Variants in CSMD3 observed in about 807,000 individuals in gnomAD.
CSMD3 encodes the protein CUB and sushi domain-containing protein 3.
In CSMD3, 177 loss-of-function variants were observed where a neutral mutation model predicts 435.2. The ratio of observed to expected loss-of-function variants is 0.41; its 90% CI spans 0.36 to 0.46. The LOEUF (loss-of-function observed/expected upper bound fraction) is 0.46, where lower values mean the gene tolerates loss of function less well. Ranked by LOEUF, CSMD3 falls within the 20% of genes least tolerant of loss-of-function variation. The pLI is 0.34. For missense variants in CSMD3, 4,265 were observed against 4,504.6 expected, an observed-to-expected ratio of 0.95 and a Z score of 1.52; for synonymous variants, 1,656 against 1,520.5, an observed-to-expected ratio of 1.09 and a Z score of -2.07.
intron 2 of CSMD3, among the ~76,000 whole-genome samples, chr8:113,279,106 A>T (rs2093593606): frequency 6.6e-6 from 1 of 151,548 alleles, no homozygotes; most frequent in Non-Finnish European, 1.5e-5. Flanking sequence ...ATTATATAAA[A>T]TGAGTACATT....
At chr8:112,689,141 C>T (rs966949904) in intron 14 of CSMD3, among the ~76,000 whole-genome samples, 2 of 152,092 alleles carry the variant, frequency 1.3e-5, no homozygotes, top group African/African-American at 4.8e-5. Context: ...GTGAAGGGGA[C>T]GTATGCACTT....
intron 10 of CSMD3, among the ~76,000 whole-genome samples, chr8:112,859,760 A>G (rs1055304551): frequency 6.6e-6 from 1 of 151,754 alleles, no homozygotes; most frequent in South Asian, 2.1e-4. Context: ...TAAAAAAAAA[A>G]GCAGTTACAT....
intron 35 of CSMD3, among the ~76,000 whole-genome samples, chr8:112,401,742 CA>C (rs1831360546): frequency 1.3e-5 from 2 of 152,132 alleles, no homozygotes; most frequent in South Asian, 4.1e-4. Flanking sequence ...AAAATCAACA[CA>C]TTTTTCCTAA....
intron 10 of CSMD3, among the ~76,000 whole-genome samples, chr8:112,904,100 T>C (rs1323410347): frequency 6.6e-6 from 1 of 151,250 alleles, no homozygotes; most frequent in Non-Finnish European, 1.5e-5. Flanking sequence ...AGAGACATGA[T>C]GTTTAGCTGG....
Position 112,864,734 on chromosome 8 carries a change from C to T in CSMD3, c.1634-5468G>A, listed in dbSNP as rs574274804. The stretch of plus-strand genomic sequence containing the variant: ...GGGCATTAAATAAAACTTGTAGAAA[C>T]GGAAAGATAGGGCATGTTCTGAATG... On this transcript the variant is annotated intron_variant, in intron 10 of 70. Coordinates refer to ENST00000297405, the MANE Select transcript of CSMD3 (RefSeq NM_198123.2). 1.4e-4 allele frequency among the ~76,000 whole-genome samples: 21 copies of T among 151,846 alleles called. No homozygotes were observed. In the South Asian group the frequency reaches 1.5e-3, roughly 11 times the overall value.
At chr8:112,570,226 C>T (rs1408360153) in intron 24 of CSMD3, among the ~76,000 whole-genome samples, 1 of 152,054 alleles carries the variant, frequency 6.6e-6, no homozygotes, top group Non-Finnish European at 1.5e-5. Flanking sequence ...TTATAAAATT[C>T]ATATTCAGAT....
chr8:113,011,884 C>T (rs957924979), intron 6 of CSMD3, among the ~76,000 whole-genome samples: 1 of 151,616 alleles, frequency 6.6e-6, no homozygotes, highest in Non-Finnish European at 1.5e-5. Context: ...TTTCTGTAGA[C>T]ATTGTACTAA....
chr8:112,290,979 T>C (rs767766588), intron 56 of CSMD3, among the ~76,000 whole-genome samples: 1 of 152,026 alleles, frequency 6.6e-6, no homozygotes, highest in African/African-American at 2.4e-5. Flanking sequence ...ACTCCTATCA[T>C]AACATATAAC....
chr8:112,270,903 T>A (rs1817476747), intron 59 of CSMD3, among the ~76,000 whole-genome samples: 1 of 152,152 alleles, frequency 6.6e-6, no homozygotes, highest in Admixed American at 6.6e-5. Flanking sequence ...TTGAAGTCTT[T>A]ATATTTTGTC....
intron 32 of CSMD3, among the ~76,000 whole-genome samples, chr8:112,452,797 C>T (rs1169267599): frequency 1.3e-5 from 2 of 152,168 alleles, no homozygotes; most frequent in African/African-American, 2.4e-5. Context: ...CTAACCTACA[C>T]TCCATCCTTC....
At chr8:112,272,556 TATGTGAA>T (rs1003743640) in intron 59 of CSMD3, among the ~76,000 whole-genome samples, 1 of 152,106 alleles carries the variant, frequency 6.6e-6, no homozygotes, top group African/African-American at 2.4e-5. Flanking sequence ...TTCATCTATA[TATGTGAA>T]ATATAGATGA....
At chr8:113,226,624 A>C (rs1431805435) in intron 3 of CSMD3, among the ~76,000 whole-genome samples, 3 of 151,574 alleles carry the variant, frequency 2.0e-5, no homozygotes, top group African/African-American at 7.3e-5. Context: ...TGGTTGTTAG[A>C]AACGATGAAG....
chr8:112,897,518 C>T (rs1332246886), intron 10 of CSMD3, among the ~76,000 whole-genome samples: 1 of 151,164 alleles, frequency 6.6e-6, no homozygotes, highest in Non-Finnish European at 1.5e-5. Context: ...ACTGATTAAT[C>T]TTGAGCCTCA....
intron 9 of CSMD3, among the ~76,000 whole-genome samples, chr8:112,936,660 T>A (rs2130740297): frequency 6.6e-6 from 1 of 152,242 alleles, no homozygotes; most frequent in South Asian, 2.1e-4. Context: ...ATGATCTCAC[T>A]TTTATAGAAC....
At chr8:112,329,968 G>A (rs546631925) in intron 45 of CSMD3, among the ~76,000 whole-genome samples, 29 of 151,768 alleles carry the variant, frequency 1.9e-4, no homozygotes, top group South Asian at 1.3e-3. Flanking sequence ...ATTATTACAC[G>A]ATGTCCATAC....
At chr8:112,428,300 CA>C (rs548253942) in intron 32 of CSMD3, among the ~76,000 whole-genome samples, 3 of 151,646 alleles carry the variant, frequency 2.0e-5, no homozygotes, top group Non-Finnish European at 2.9e-5. Flanking sequence ...AATGTAAGTA[CA>C]AAAAAATATA....
chr8:113,317,297 C>T (rs918969184), intron 1 of CSMD3, among the ~76,000 whole-genome samples: 1 of 152,152 alleles, frequency 6.6e-6, no homozygotes, highest in African/African-American at 2.4e-5. Context: ...GCCTGAACAG[C>T]TTCCAATTTG....
At chr8:112,548,162 A>G (rs963761207) in intron 27 of CSMD3, among the ~76,000 whole-genome samples, 6 of 152,118 alleles carry the variant, frequency 3.9e-5, no homozygotes, top group African/African-American at 9.7e-5. Flanking sequence ...CTGTCTTCCT[A>G]TAGGGCAAAA....
chr8:112,718,951 G>T (rs1160125384), intron 13 of CSMD3, among the ~76,000 whole-genome samples: 6 of 152,032 alleles, frequency 3.9e-5, no homozygotes, highest in Non-Finnish European at 8.8e-5. Context: ...CTGTGTAAAA[G>T]ATTTAAAACT....
Sources: gnomAD v4.1 joint callset for allele counts (sites outside exome capture counted in the v4.1 genomes callset) on GRCh38, gnomAD v4.1.1 for gene constraint, MANE v1.5 for transcripts, NCBI Gene and HGNC (gene_info 2026-07-23, HGNC 2026-07-21) for gene names.